The following SLC39A11 variants were observed in gnomAD, a reference collection of about 807,000 sequenced individuals.
The protein encoded by SLC39A11 is solute carrier family 39 member 11.
In SLC39A11, 33 loss-of-function variants were observed where a neutral mutation model predicts 36.1. The observed-to-expected ratio is 0.91, with a 90% CI of 0.69 to 1.22. The LOEUF (loss-of-function observed/expected upper bound fraction) is 1.22, where lower values mean the gene tolerates loss of function less well. Among genes scored for constraint, SLC39A11 ranks in the 50% most tolerant of loss-of-function variants. The pLI, the probability that SLC39A11 is intolerant of heterozygous loss-of-function variation, is 0.00. For synonymous variants in SLC39A11, 166 were observed against 170.3 expected (o/e 0.97, Z 0.20); for missense variants, 432 against 430.3 (o/e 1.00, Z -0.03).
At chr17:73,091,289 G>T (rs935397193) in intron 1 of SLC39A11, among the ~76,000 whole-genome samples, 2 of 151,794 alleles carry the variant, frequency 1.3e-5, no homozygotes, top group Admixed American at 1.3e-4. Context: ...TTACTTGGGC[G>T]TCGTGGTGTG....
intron 7 of SLC39A11, among the ~76,000 whole-genome samples, chr17:72,714,843 T>C (rs1277754216): frequency 2.0e-5 from 3 of 152,234 alleles, no homozygotes; most frequent in African/African-American, 7.2e-5. Context: ...GTGTTTCACC[T>C]GCCTGGCTGA....
chr17:73,018,547 CA>C (rs200885571), intron 4 of SLC39A11, among the ~76,000 whole-genome samples: 2 of 149,736 alleles, frequency 1.3e-5, no homozygotes, highest in East Asian at 2.0e-4. Context: ...GACTCCATAA[CA>C]AAAAAAAACA....
chr17:73,015,429 C>G (rs1426483073), intron 4 of SLC39A11, among the ~76,000 whole-genome samples: 3 of 152,096 alleles, frequency 2.0e-5, no homozygotes, highest in Non-Finnish European at 4.4e-5. Flanking sequence ...CTCTCTGATC[C>G]CAAGCTCAAG....
At chr17:72,751,876 T>C (rs1194786559) in intron 6 of SLC39A11, among the ~76,000 whole-genome samples, 2 of 151,874 alleles carry the variant, frequency 1.3e-5, no homozygotes, top group African/African-American at 4.8e-5. Flanking sequence ...TGCACCCGGC[T>C]CCAGAGCTCT....
At chr17:73,007,798 A>G (rs936520290) in intron 4 of SLC39A11, among the ~76,000 whole-genome samples, 3 of 152,222 alleles carry the variant, frequency 2.0e-5, no homozygotes, top group African/African-American at 7.2e-5. Flanking sequence ...ACGGAATGAC[A>G]TCGTCAGAAA....
chr17:72,670,813 T>C (rs1218684966), intron 7 of SLC39A11, among the ~76,000 whole-genome samples: 1 of 152,182 alleles, frequency 6.6e-6, no homozygotes, highest in Non-Finnish European at 1.5e-5. Context: ...TTCTGGCTCA[T>C]CTTGTATTTT....
intron 5 of SLC39A11, among the ~76,000 whole-genome samples, chr17:72,916,419 A>G (rs1297232583): frequency 6.7e-6 from 1 of 149,696 alleles, no homozygotes; most frequent in Admixed American, 6.6e-5. Flanking sequence ...GGCCAGTCCC[A>G]GGAGTTCATC....
intron 4 of SLC39A11, among the ~76,000 whole-genome samples, chr17:72,968,648 G>T (rs992205775): frequency 1.3e-5 from 2 of 151,996 alleles, no homozygotes; most frequent in African/African-American, 4.8e-5. Context: ...CTCCCCGACC[G>T]CCCATCAGCA....
At chr17:72,749,105 T>G (rs566377112) in intron 6 of SLC39A11, among the ~76,000 whole-genome samples, 1 of 152,276 alleles carries the variant, frequency 6.6e-6, no homozygotes, top group East Asian at 1.9e-4. Context: ...TCTGACTCAG[T>G]GGGGGAACCT....
chr17:72,746,179 G>A (rs1040301497), intron 6 of SLC39A11, among the ~76,000 whole-genome samples: 12 of 152,122 alleles, frequency 7.9e-5, no homozygotes, highest in African/African-American at 2.9e-4. Flanking sequence ...GGTGGGTTAG[G>A]AAGAACAGGG....
At chr17:72,969,571 TC>T (rs1397560906) in intron 4 of SLC39A11, among the ~76,000 whole-genome samples, 1 of 147,400 alleles carries the variant, frequency 6.8e-6, no homozygotes, top group African/African-American at 2.5e-5. Context: ...CGCATCCTCT[TC>T]CCCCTACTCC....
At chr17:72,757,682 C>T (rs545939121) in intron 6 of SLC39A11, among the ~76,000 whole-genome samples, 264 of 151,604 alleles carry the variant, frequency 1.7e-3, no homozygotes, top group Non-Finnish European at 2.9e-3. Context: ...TACTTTTCTT[C>T]CCCTGGTCAC....
intron 3 of SLC39A11, among the ~76,000 whole-genome samples, chr17:73,078,386 TATAG>T (rs909470970): frequency 1.3e-5 from 2 of 152,122 alleles, no homozygotes; most frequent in Non-Finnish European, 2.9e-5. Context: ...ATAGATCAGA[TATAG>T]ATAGATAGGT....
In SLC39A11 at chr17:73,031,662, G is replaced by C; in HGVS notation, c.200C>G (p.Ala67Gly). ...GGCACCGAAGCCCCCAGAGGACGTG[G>C]CCATCTCAACTGCTGGGGCCAGAAG... ...WSLLAPAVEM[A>G]TSSGGFGAFA... Residue 67 changes from alanine (A) to glycine (G), a missense_variant, in exon 4 of 10, where the codon GCC becomes GGC. Physicochemically the swap from Ala to Gly is moderately conservative, Grantham distance 60 (BLOSUM62 0). Coordinates refer to ENST00000255559, the MANE Select transcript of SLC39A11 (RefSeq NM_139177.4). 6.2e-7 allele frequency: 1 copy of C among 1,614,132 alleles called. No individual in the cohort carries two copies. The highest frequency in any genetic ancestry group is 8.5e-7 in the Non-Finnish European group (1 of 1,180,032).
intron 5 of SLC39A11, among the ~76,000 whole-genome samples, chr17:72,855,263 C>T (rs535076741): frequency 5.3e-5 from 8 of 152,278 alleles, no homozygotes; most frequent in African/African-American, 1.9e-4. Flanking sequence ...GCCCACGGGC[C>T]CAATCACACC....
chr17:73,018,795 A>C (rs1423901714), intron 4 of SLC39A11, among the ~76,000 whole-genome samples: 1 of 152,144 alleles, frequency 6.6e-6, no homozygotes, highest in South Asian at 2.1e-4. Flanking sequence ...GCATACAATA[A>C]AAAATTACTA....
chr17:72,892,644 T>C (rs904677921), intron 5 of SLC39A11, among the ~76,000 whole-genome samples: 1 of 152,192 alleles, frequency 6.6e-6, no homozygotes, highest in Non-Finnish European at 1.5e-5. Flanking sequence ...GAGACAAAAT[T>C]GAATCTCTTG....
In SLC39A11 at chr17:72,972,901, A is replaced by G. The variant is rs181086283; in HGVS notation, c.307-25026T>C. On this transcript the variant is annotated intron_variant, in intron 4 of 9. Transcript: ENST00000255559. ...GTTGGATATTCTTTTTAATTTGTCC[A>G]GGTCTCAAAAATAAACACCAACCTC... 1.6e-3 allele frequency among the ~76,000 whole-genome samples: 239 copies of G among 152,178 alleles called. 1 individual carries two copies. Among genetic ancestry groups the G allele is most frequent in the African/African-American group, 5.5e-3 (229 of 41,540 alleles).
chr17:72,855,577 CA>C (rs2079594219), intron 5 of SLC39A11, among the ~76,000 whole-genome samples: 1 of 151,814 alleles, frequency 6.6e-6, no homozygotes, highest in South Asian at 2.1e-4. Context: ...AGTATGTATA[CA>C]CAAACAAAAC....
Sources: allele counts gnomAD v4.1 joint callset (sites outside exome capture counted in the v4.1 genomes callset), GRCh38; gene constraint gnomAD v4.1.1; transcripts MANE v1.5; gene names NCBI Gene and HGNC (gene_info 2026-07-23, HGNC 2026-07-21).